Variants in IGF1R observed in about 807,000 individuals in gnomAD.
The protein encoded by IGF1R is insulin like growth factor 1 receptor.
Under a neutral mutation model 144.6 loss-of-function variants are expected in IGF1R, and 44 were observed. The ratio of observed to expected loss-of-function variants is 0.30; its 90% CI spans 0.24 to 0.39. The LOEUF is 0.39. Ranked by LOEUF, IGF1R falls within the 10% of genes least tolerant of loss-of-function variation. The pLI, the probability that IGF1R is intolerant of heterozygous loss-of-function variation, is 1.00. For missense variants in IGF1R, 1,355 were observed against 1,833.7 expected, an observed-to-expected ratio of 0.74 and a Z score of 4.77; for synonymous variants, 795 against 722.8, an observed-to-expected ratio of 1.10 and a Z score of -1.60.
Position 98,704,259 on chromosome 15 carries a change from G to T in IGF1R, c.95-3303G>T, listed in dbSNP as rs1054963989. ...AGAGAAATGAGAGGTAGGGGAGGGA[G>T]GGAGGAGTTGGGGGACAGTTGGGGG... On this transcript the variant is annotated intron_variant, in intron 1 of 20. Coordinates refer to ENST00000650285, the MANE Select transcript of IGF1R (RefSeq NM_000875.5). The surrounding 1 kb of genome is among the most constrained non-coding windows in gnomAD (Gnocchi z 4.9). Among the ~76,000 whole-genome samples, 1 of 152,180 alleles carries T rather than the reference G, an allele frequency of 6.6e-6. No homozygotes were observed. The highest frequency in any genetic ancestry group is 6.5e-5 in the Admixed American group (1 of 15,282).
intron 1 of IGF1R, among the ~76,000 whole-genome samples, chr15:98,682,833 A>C (rs1319465425): frequency 6.6e-6 from 1 of 152,094 alleles, no homozygotes; most frequent in Non-Finnish European, 1.5e-5. Context: ...GGCATGAGCC[A>C]CCACACCTGG....
At chr15:98,837,040 A>AG (rs1443182918) in intron 2 of IGF1R, among the ~76,000 whole-genome samples, 18 of 152,156 alleles carry the variant, frequency 1.2e-4, no homozygotes, top group African/African-American at 4.3e-4. Context: ...CTGATATCTT[A>AG]GGGCTGATAC....
intron 10 of IGF1R, among the ~76,000 whole-genome samples, chr15:98,920,297 C>T (rs1383931700): frequency 1.3e-5 from 2 of 152,334 alleles, no homozygotes; most frequent in East Asian, 1.9e-4. Flanking sequence ...TCTGTGTCAC[C>T]TCCCTCCCCT....
chr15:98,868,718 A>G (rs545070379), intron 2 of IGF1R, among the ~76,000 whole-genome samples: 5 of 152,242 alleles, frequency 3.3e-5, no homozygotes, highest in Admixed American at 6.5e-5. Context: ...GAAGATGGGA[A>G]CGGCAGGCCC....
In IGF1R at chr15:98,913,025, G is replaced by T; in HGVS notation, c.1590-19G>T. On this transcript the variant is annotated intron_variant, in intron 7 of 20. Transcript: ENST00000650285. The stretch of plus-strand genomic sequence containing the variant: ...GATGTCAGAGCCCCGAACTTTCTCT[G>T]AACTTAATTGTCTTTCAGACCCTTT... 4 of 1,591,670 alleles carry T rather than the reference G, an allele frequency of 2.5e-6. No homozygotes were observed. Among genetic ancestry groups the T allele is most frequent in the Non-Finnish European group, 3.4e-6 (4 of 1,159,674 alleles).
At chr15:98,666,323 C>T (rs1296479800) in intron 1 of IGF1R, among the ~76,000 whole-genome samples, 2 of 151,490 alleles carry the variant, frequency 1.3e-5, no homozygotes, top group Non-Finnish European at 2.9e-5. Context: ...TGATATGGTG[C>T]TTCCTCAATA....
intron 2 of IGF1R, among the ~76,000 whole-genome samples, chr15:98,837,678 G>T (rs1364333215): frequency 1.3e-5 from 2 of 151,088 alleles, no homozygotes; most frequent in Non-Finnish European, 3.0e-5. Flanking sequence ...TCATGCTTTG[G>T]TGGAGCTTAT....
intron 2 of IGF1R, among the ~76,000 whole-genome samples, chr15:98,834,224 T>C (rs553361850): frequency 1.4e-4 from 22 of 152,320 alleles, no homozygotes; most frequent in Non-Finnish European, 2.8e-4. Context: ...TAAGCCTGAC[T>C]CTTGTCTTTA....
At chr15:98,812,179 C>G (rs1218003408) in intron 2 of IGF1R, among the ~76,000 whole-genome samples, 1 of 152,162 alleles carries the variant, frequency 6.6e-6, no homozygotes, top group African/African-American at 2.4e-5. Context: ...AGCACCCTAA[C>G]TCTGGGAGCC....
At chr15:98,737,736 GC>G (rs1270735837) in intron 2 of IGF1R, among the ~76,000 whole-genome samples, 1 of 151,984 alleles carries the variant, frequency 6.6e-6, no homozygotes, top group Non-Finnish European at 1.5e-5. Context: ...GCTGGAGCCT[GC>G]TGAGATGATG....
chr15:98,930,456 C>G, intron 15 of IGF1R, 151 bp downstream of exon 15: 1 of 477,904 alleles, frequency 2.1e-6, no homozygotes, highest in South Asian at 2.7e-5. Context: ...TTCTTTCTTT[C>G]TTTTTTTTTT....
intron 2 of IGF1R, among the ~76,000 whole-genome samples, chr15:98,755,377 C>A (rs1361597059): frequency 3.3e-5 from 5 of 151,900 alleles, no homozygotes; most frequent in Non-Finnish European, 7.4e-5. Context: ...CTGTGTTTCA[C>A]TAATGAAACA....
In IGF1R at chr15:98,901,978, A is replaced by G. The variant is rs951523921; in HGVS notation, c.1247+2357A>G. On this transcript the variant is annotated intron_variant, in intron 5 of 20. Coordinates refer to ENST00000650285, the MANE Select transcript of IGF1R (RefSeq NM_000875.5). ...TAAAGGGTTATAATTTAGGAAGACC[A>G]TGGAACGTATTCAAGGCTTTTGAAT... Among the ~76,000 whole-genome samples the G allele has an allele frequency of 2.6e-5, 4 of 152,364 alleles. No individual in the cohort carries two copies. In the East Asian group the frequency reaches 5.8e-4, roughly 22 times the overall value.
In IGF1R at chr15:98,896,888, T is replaced by G; in HGVS notation, c.1085T>G (p.Ile362Ser). The change falls in exon 4 of 21, where the codon ATT becomes AGT. Residue 362 changes from isoleucine (I) to serine (S), a missense_variant. Physicochemically the swap from Ile to Ser is moderately radical, Grantham distance 142. Transcript: ENST00000650285. ...ACCATCTTCAAGGGCAATTTGCTCA[T>G]TAACATCCGACGGGGGAGTAAGTAT... is the stretch of plus-strand genomic sequence containing the variant. ...GCTIFKGNLL[I>S]NIRRGNNIAS... 6.2e-7 allele frequency: 1 copy of G among 1,614,174 alleles called. No individual in the cohort carries two copies. Among genetic ancestry groups the G allele is most frequent in the Non-Finnish European group, 8.5e-7 (1 of 1,180,026 alleles).
At chr15:98,868,777 C>T (rs1302444101) in intron 2 of IGF1R, among the ~76,000 whole-genome samples, 1 of 152,200 alleles carries the variant, frequency 6.6e-6, no homozygotes, top group Non-Finnish European at 1.5e-5. Context: ...GTATGCCAAG[C>T]GCTTAGCACG....
chr15:98,660,501 C>T (rs2052575112), intron 1 of IGF1R: 1 of 152,142 alleles, frequency 6.6e-6, no homozygotes, highest in African/African-American at 2.4e-5. Context: ...ATAGGAGGAG[C>T]TGAAGAAACG....
chr15:98,668,892 A>G (rs901090982), intron 1 of IGF1R, among the ~76,000 whole-genome samples: 1 of 152,252 alleles, frequency 6.6e-6, no homozygotes, highest in Non-Finnish European at 1.5e-5. Flanking sequence ...AGCCCGCTTC[A>G]GAGCCCTCAG....
At chr15:98,913,338 C>T (rs1181972132) in intron 8 of IGF1R, 56 bp downstream of exon 8, 4 of 1,338,130 alleles carry the variant, frequency 3.0e-6, no homozygotes, top group South Asian at 1.2e-5. Context: ...GCTCACTGGC[C>T]TTGCTTGTAC....
In IGF1R at chr15:98,850,745, TG is replaced by T. The variant is rs369684794; in HGVS notation, c.641-40571del. Reference sequence around the variant, plus strand: ...TGATGGACAAGGGCTTGGCACTTGGTGGGGGGGGGTACCATGTTAACATGTT... The same window carrying T: ...TGATGGACAAGGGCTTGGCACTTGGTGGGGGGGGTACCATGTTAACATGTT... On this transcript the variant is annotated intron_variant, in intron 2 of 20. Transcript: ENST00000650285. 5.8e-3 allele frequency among the ~76,000 whole-genome samples: 870 copies of T among 149,026 alleles called. 4 individuals are homozygous for T. Among genetic ancestry groups the T allele is most frequent in the African/African-American group, 0.019 (765 of 40,436 alleles).
Sources: gnomAD v4.1 joint callset for allele counts (sites outside exome capture counted in the v4.1 genomes callset) on GRCh38, gnomAD v4.1.1 for gene constraint, Gnocchi (gnomAD v3.1) non-coding constraint, MANE v1.5 for transcripts, NCBI Gene and HGNC (gene_info 2026-07-23, HGNC 2026-07-21) for gene names.